FMN1: variants seen among roughly 807,000 people sequenced by gnomAD.
FMN1 encodes formin 1, also known as formin-1.
A neutral mutation model predicts 132.4 loss-of-function variants in FMN1; 110 were observed. The observed-to-expected ratio is 0.83, with a 90% CI of 0.71 to 0.97. FMN1 has a LOEUF of 0.97. Among genes scored for constraint, FMN1 ranks in the 50% least tolerant of loss-of-function variants. The pLI is 0.00. For synonymous variants in FMN1, 722 were observed against 651.7 expected (o/e 1.11, Z -1.64); for missense variants, 1,792 against 1,705.3 (o/e 1.05, Z -0.90).
intron 5 of FMN1, among the ~76,000 whole-genome samples, chr15:33,082,407 A>G (rs2038518154): frequency 6.6e-6 from 1 of 152,070 alleles, no homozygotes; most frequent in African/African-American, 2.4e-5. Context: ...CCTAATGACT[A>G]CTTACCTGTT....
chr15:32,977,381 G>A (rs534660556), intron 7 of FMN1, among the ~76,000 whole-genome samples: 33 of 152,276 alleles, frequency 2.2e-4, no homozygotes, highest in African/African-American at 7.7e-4. Context: ...AGTCACAGAT[G>A]CTTTCCTCAA....
At chr15:32,948,746 C>T (rs79895324) in intron 9 of FMN1, among the ~76,000 whole-genome samples, 2,552 of 151,952 alleles carry the variant, frequency 0.017, 68 homozygotes, top group African/African-American at 0.058. Context: ...TTGTTTTGCT[C>T]AATCTTGCAA....
In FMN1 at chr15:32,908,493, T is replaced by C; in HGVS notation, c.3374A>G (p.Glu1125Gly). 2 of 1,604,986 alleles carry C rather than the reference T, an allele frequency of 1.2e-6. No homozygotes were observed. Among genetic ancestry groups the C allele is most frequent in the Non-Finnish European group, 1.7e-6 (2 of 1,172,444 alleles). ...EEELKLLDKPEQFLHELAQIP... is the reference protein window; with the variant it reads ...EEELKLLDKPGQFLHELAQIP... ...GAAAAATGTTAAGTATCCTTACTGC[T>C]CAGGTTTATCCAGCAGCTTCAGTTC... is the stretch of plus-strand genomic sequence containing the variant. Residue 1125 changes from glutamate to glycine, a missense_variant, in exon 12 of 21, where the codon GAG (glutamate) becomes GGG (glycine). Around this residue, in one of 3 missense-constraint regions of FMN1, gnomAD observed 1,150 missense variants for 1,043.1 expected, o/e 1.10. Coordinates refer to ENST00000616417, the MANE Select transcript of FMN1 (RefSeq NM_001277313.2).
intron 5 of FMN1, among the ~76,000 whole-genome samples, chr15:33,085,778 G>C (rs930519349): frequency 6.6e-6 from 1 of 152,040 alleles, no homozygotes; most frequent in African/African-American, 2.4e-5. Flanking sequence ...TTGTAGTCAC[G>C]CTATTTTATT....
At chr15:32,823,306 C>T (rs1235238717) in intron 17 of FMN1, among the ~76,000 whole-genome samples, 2 of 151,860 alleles carry the variant, frequency 1.3e-5, no homozygotes, top group African/African-American at 2.4e-5. Flanking sequence ...GGACTACAGG[C>T]ACCCACCACC....
intron 17 of FMN1, among the ~76,000 whole-genome samples, chr15:32,810,550 A>T (rs1021049968): frequency 6.6e-6 from 1 of 152,204 alleles, no homozygotes; most frequent in Admixed American, 6.5e-5. Flanking sequence ...TGAAAAAGAG[A>T]AAGTTTTTAT....
chr15:33,134,458 C>A (rs1038723373), intron 4 of FMN1, among the ~76,000 whole-genome samples: 1 of 152,144 alleles, frequency 6.6e-6, no homozygotes, highest in African/African-American at 2.4e-5. Flanking sequence ...CATGTAAATG[C>A]AGTTTCAAAA....
Position 32,908,496 on chromosome 15 carries a change from G to T in FMN1, c.3371C>A (p.Pro1124His). ...KEEELKLLDK[P>H]EQFLHELAQI... ...AAATGTTAAGTATCCTTACTGCTCA[G>T]GTTTATCCAGCAGCTTCAGTTCTTC... The change falls in exon 12 of 21, where the codon CCT becomes CAT. Residue 1124 changes from proline (P) to histidine (H), a missense_variant. Physicochemically the swap from Pro to His is moderately conservative, Grantham distance 77. Around this residue, in one of 3 missense-constraint regions of FMN1, gnomAD observed 1,150 missense variants for 1,043.1 expected, o/e 1.10. Transcript: ENST00000616417. 6.2e-7 allele frequency: 1 copy of T among 1,606,596 alleles called. No homozygotes were observed. The highest frequency in any genetic ancestry group is 1.1e-5 in the South Asian group (1 of 90,904).
chr15:33,079,510 C>G (rs1044617300), intron 5 of FMN1, among the ~76,000 whole-genome samples: 14 of 152,174 alleles, frequency 9.2e-5, no homozygotes, highest in Admixed American at 6.5e-5. Flanking sequence ...GTAATCCCAG[C>G]TACTTGGGAG....
At chr15:33,162,698 TCTTAAA>T (rs1430699830) in intron 3 of FMN1, among the ~76,000 whole-genome samples, 29 of 152,220 alleles carry the variant, frequency 1.9e-4, no homozygotes, top group Middle Eastern at 6.3e-3. Flanking sequence ...TCAGCACTAC[TCTTAAA>T]GATTAAGTCA....
intron 10 of FMN1, among the ~76,000 whole-genome samples, chr15:32,921,442 C>G (rs1165001745): frequency 2.6e-5 from 4 of 152,148 alleles, no homozygotes; most frequent in Admixed American, 6.6e-5. Context: ...GCATGGAAAA[C>G]ATTAGAGGCC....
intron 4 of FMN1, among the ~76,000 whole-genome samples, chr15:33,145,142 C>A (rs535214320): frequency 6.6e-6 from 1 of 152,134 alleles, no homozygotes. Flanking sequence ...GGATGTAATC[C>A]TTCCTCCTCA....
rs2031576488 is a variant in FMN1 at position 32,969,366 on chromosome 15, C to CT, written c.2334dup (p.Gly779ArgfsTer4). On this transcript the variant is annotated frameshift_variant, in exon 8 of 21. Transcript: ENST00000616417. LOFTEE classifies it high-confidence loss of function. ...ACATCTTTCCTCTCTTCACAACCCC[C>CT]TCGCCATCTGTGTTCTAGCTCGTGT... 1 of 1,613,854 alleles carries CT rather than the reference C, an allele frequency of 6.2e-7. No homozygotes were observed. The highest frequency in any genetic ancestry group is 1.3e-5 in the African/African-American group (1 of 74,908).
At chr15:32,854,575 T>C (rs2059080916) in intron 17 of FMN1, among the ~76,000 whole-genome samples, 1 of 152,180 alleles carries the variant, frequency 6.6e-6, no homozygotes, top group African/African-American at 2.4e-5. Context: ...ATCTGTAAAG[T>C]AGGAGCTGAT....
intron 4 of FMN1, among the ~76,000 whole-genome samples, chr15:33,099,186 G>C (rs2039199144): frequency 6.6e-6 from 1 of 152,178 alleles, no homozygotes; most frequent in Non-Finnish European, 1.5e-5. Flanking sequence ...AGCTACTCTG[G>C]AGGCTGAGGT....
intron 4 of FMN1, among the ~76,000 whole-genome samples, chr15:33,132,694 G>A (rs1289951075): frequency 6.6e-6 from 1 of 152,158 alleles, no homozygotes; most frequent in African/African-American, 2.4e-5. Flanking sequence ...AAACCTAAAA[G>A]AACTTCGGGG....
chr15:32,979,580 G>C (rs1054454994), intron 7 of FMN1, among the ~76,000 whole-genome samples: 1 of 115,860 alleles, frequency 8.6e-6, no homozygotes, highest in Non-Finnish European at 1.8e-5. Flanking sequence ...AAAAAAAAAA[G>C]AAACCATTCA....
At chr15:32,869,718 A>T (rs1175178976) in intron 16 of FMN1, among the ~76,000 whole-genome samples, 1 of 152,172 alleles carries the variant, frequency 6.6e-6, no homozygotes, top group Non-Finnish European at 1.5e-5. Flanking sequence ...ATGAACAGAG[A>T]AGAGCTGGTC....
intron 2 of FMN1, among the ~76,000 whole-genome samples, chr15:33,192,632 T>C (rs146253199): frequency 1.2e-4 from 19 of 152,300 alleles, no homozygotes; most frequent in African/African-American, 4.6e-4. Flanking sequence ...GCTTCAATAG[T>C]GGCACCCCTC....
Sources: gnomAD v4.1 joint callset for allele counts (sites outside exome capture counted in the v4.1 genomes callset) on GRCh38, gnomAD v4.1.1 for gene constraint, gnomAD v4.1.1 regional missense constraint, MANE v1.5 for transcripts, NCBI Gene and HGNC (gene_info 2026-07-23, HGNC 2026-07-21) for gene names.